HTRA1: variants seen among roughly 807,000 people sequenced by gnomAD.
HTRA1 encodes HtrA serine peptidase 1.
Under a neutral mutation model 49.7 loss-of-function variants are expected in HTRA1, and 26 were observed. The observed-to-expected ratio is 0.52, with a 90% CI of 0.38 to 0.73. The LOEUF (loss-of-function observed/expected upper bound fraction) is 0.73, where lower values mean the gene tolerates loss of function less well. HTRA1 is among the 30% of genes least tolerant of loss of function. HTRA1 has a pLI of 0.00. For missense variants in HTRA1, 561 were observed against 667.2 expected (o/e 0.84, Z 1.75); for synonymous variants, 291 against 286.9 (o/e 1.01, Z -0.14).
chr10:122,511,485 C>A (rs1220037529), intron 7 of HTRA1, among the ~76,000 whole-genome samples: 1 of 152,076 alleles, frequency 6.6e-6, no homozygotes, highest in Admixed American at 6.5e-5. Flanking sequence ...GTAATCCCAG[C>A]ACTTTGGGAG....
At chr10:122,466,699 A>G (rs2249049) in intron 1 of HTRA1, among the ~76,000 whole-genome samples, 34,112 of 151,956 alleles carry the variant, frequency 0.22, 3,970 homozygotes, top group Non-Finnish European at 0.25. Context: ...CATTTTCACT[A>G]TTGGCAATTC....
intron 7 of HTRA1, among the ~76,000 whole-genome samples, chr10:122,511,363 G>C (rs978684988): frequency 2.6e-5 from 4 of 152,196 alleles, no homozygotes; most frequent in Non-Finnish European, 5.9e-5. Context: ...AAATGGCCGA[G>C]CTAGGGCTGC....
rs543798586 is a variant in HTRA1, at chr10:122,504,882, G to A, written c.778-1809G>A. Among the ~76,000 whole-genome samples the A allele has an allele frequency of 1.8e-3, 278 of 152,350 alleles. 4 individuals carry two copies. The highest frequency in any genetic ancestry group is 6.4e-3 in the African/African-American group (266 of 41,588). Reference sequence around the variant, plus strand: ...TGCGGCAGGCCTGCACCTCCCCGCAGCTGCCCTGCATGCTCCAGCCTCAGG... The same window carrying A: ...TGCGGCAGGCCTGCACCTCCCCGCAACTGCCCTGCATGCTCCAGCCTCAGG... On this transcript the variant is annotated intron_variant, in intron 3 of 8. Coordinates refer to ENST00000368984, the MANE Select transcript of HTRA1 (RefSeq NM_002775.5).
Position 122,506,965 on chromosome 10 carries a change from CT to C in HTRA1, c.972+81del. The C allele has an allele frequency of 2.3e-6, 3 of 1,305,206 alleles. No individual in the cohort carries two copies. The highest frequency in any genetic ancestry group is 3.3e-6 in the Non-Finnish European group (3 of 918,874). The allele number at this position is 1,305,206 out of a possible 1,614,324, so 80.9% of individuals were successfully genotyped here. On this transcript the variant is annotated intron_variant, in intron 4 of 8. Transcript: ENST00000368984. This position sits in a 1 kb window ranked among gnomAD's most constrained non-coding sequence, Gnocchi z 5.2. ...GAGGAGTCAGCATAGGTCTTAGCCC[CT>C]GACTTTGTTGTAGTCTGCGTGAAGG...
At chr10:122,481,944 C>T (rs2097491200) in intron 1 of HTRA1, among the ~76,000 whole-genome samples, 2 of 152,080 alleles carry the variant, frequency 1.3e-5, no homozygotes, top group Non-Finnish European at 1.5e-5. Flanking sequence ...AACTGGAAGT[C>T]CAATAAAACC....
chr10:122,486,117 T>C (rs2097492999), intron 1 of HTRA1, among the ~76,000 whole-genome samples: 1 of 152,194 alleles, frequency 6.6e-6, no homozygotes, highest in African/African-American at 2.4e-5. Context: ...TGAGAAGCTG[T>C]AGATCTGGTG....
Position 122,475,218 on chromosome 10 carries a change from GT to G in HTRA1, c.472+13096del, listed in dbSNP as rs1484615124. ...CAGTCTTGGCCCAGCCCCTGCAACA[GT>G]TACTGCTCAAGGCACCCGGGACATG... On this transcript the variant is annotated intron_variant, in intron 1 of 8. Transcript: ENST00000368984. Among the ~76,000 whole-genome samples, 7 of 152,220 alleles carry G rather than the reference GT, an allele frequency of 4.6e-5. No individual in the cohort carries two copies. In the South Asian group the frequency reaches 1.0e-3, roughly 23 times the overall value.
chr10:122,506,549 T>G lies in HTRA1; in HGVS notation c.778-142T>G. On this transcript the variant is annotated intron_variant, in intron 3 of 8. Coordinates refer to ENST00000368984, the MANE Select transcript of HTRA1 (RefSeq NM_002775.5). The surrounding 1 kb of genome is among the most constrained non-coding windows in gnomAD (Gnocchi z 5.2). Reference sequence around the variant, plus strand: ...AGTCCTGCCCGCAGCAAAGGGATGTTAGTTGTGAGCTCAGTTCCCCACCGG... The same window carrying G: ...AGTCCTGCCCGCAGCAAAGGGATGTGAGTTGTGAGCTCAGTTCCCCACCGG... 1 of 730,086 alleles carries G rather than the reference T, an allele frequency of 1.4e-6. No individual in the cohort carries two copies. The highest frequency in any genetic ancestry group is 2.4e-6 in the Non-Finnish European group (1 of 413,528). The allele number at this position is 730,086 out of a possible 1,614,324, so 45.2% of individuals were successfully genotyped here.
rs541582341 is a variant in HTRA1, at chr10:122,501,961, G to GTT, written c.778-4698_778-4697dup. Among the ~76,000 whole-genome samples, 8 of 73,534 alleles carry GTT rather than the reference G, an allele frequency of 1.1e-4. 1 individual carries two copies. The highest frequency in any genetic ancestry group is 3.0e-4 in the African/African-American group (5 of 16,926). 48.2% of individuals were successfully genotyped at this position (73,534 alleles called of 152,430 possible). A position where few individuals can be genotyped will look rare whatever the true frequency, so the allele number is the denominator to read the frequency against. ...ATCTACTCTACATACTCCATTTGGA[G>GTT]TTTTTTTTTTTTTTTTTTTTTTTTT... On this transcript the variant is annotated intron_variant, in intron 3 of 8. Transcript: ENST00000368984.
intron 1 of HTRA1, among the ~76,000 whole-genome samples, chr10:122,474,692 C>T (rs913114771): frequency 1.3e-5 from 2 of 152,050 alleles, no homozygotes; most frequent in East Asian, 1.9e-4. Flanking sequence ...TTTTGTGAAC[C>T]GAGCAGTCAG....
At chr10:122,472,363 TTATTAC>T (rs1458426563) in intron 1 of HTRA1, among the ~76,000 whole-genome samples, 12 of 109,784 alleles carry the variant, frequency 1.1e-4, no homozygotes, top group Non-Finnish European at 1.3e-4. Flanking sequence ...TATCATTTCT[TTATTAC>T]TATTATTATT....
At position 122,508,714 on chromosome 10, in the gene HTRA1, T is replaced by C; in HGVS notation, c.1064T>C (p.Ile355Thr). ...LKVTAGISFAIPSDKIKKFLT... is the reference protein window; with the variant it reads ...LKVTAGISFATPSDKIKKFLT... Reference sequence around the variant, plus strand: ...GTGACAGCTGGAATCTCCTTTGCAATCCCATCTGATAAGATTAAAAAGTTC... The same window carrying C: ...GTGACAGCTGGAATCTCCTTTGCAACCCCATCTGATAAGATTAAAAAGTTC... The change falls in exon 6 of 9, where the codon ATC (isoleucine) becomes ACC (threonine). Residue 355 changes from isoleucine to threonine, a missense_variant. Ile to Thr is a moderately conservative substitution (Grantham distance 89). Around this residue, in one of 3 missense-constraint regions of HTRA1, gnomAD observed 179 missense variants for 173.4 expected, o/e 1.03. Transcript: ENST00000368984. The C allele has an allele frequency of 6.2e-7, 1 of 1,614,048 alleles. No homozygotes were observed.
chr10:122,501,237 G>A (rs187381926), intron 3 of HTRA1, among the ~76,000 whole-genome samples: 14 of 152,260 alleles, frequency 9.2e-5, no homozygotes, highest in Admixed American at 6.5e-4. Flanking sequence ...CACGCGCCGT[G>A]GGAGTGATTT....
chr10:122,488,853 G>T, intron 1 of HTRA1, 49 bp from the exon 2 acceptor site: 1 of 1,411,820 alleles, frequency 7.1e-7, no homozygotes, highest in South Asian at 1.1e-5. Flanking sequence ...TTCTCTAGGT[G>T]GCCACAGCAG....
At chr10:122,489,083 A>G (rs2097494499) in intron 2 of HTRA1, 82 bp downstream of exon 2, 1 of 982,042 alleles carries the variant, frequency 1.0e-6, no homozygotes. Context: ...TTTGAGATAC[A>G]TTAAAGTGTC....
chr10:122,498,637 C>A (rs1008772275), intron 3 of HTRA1, among the ~76,000 whole-genome samples: 1 of 152,122 alleles, frequency 6.6e-6, no homozygotes, highest in Non-Finnish European at 1.5e-5. Context: ...TTTTCACAGT[C>A]CTCTGTGAAA....
chr10:122,474,167 A>G (rs954357558), intron 1 of HTRA1, among the ~76,000 whole-genome samples: 1 of 152,218 alleles, frequency 6.6e-6, no homozygotes, highest in Non-Finnish European at 1.5e-5. Flanking sequence ...TTTCAGATTT[A>G]TTAGATCATA....
At chr10:122,470,585 G>A (rs557971040) in intron 1 of HTRA1, among the ~76,000 whole-genome samples, 18 of 151,282 alleles carry the variant, frequency 1.2e-4, no homozygotes, top group South Asian at 4.2e-4. Context: ...AAGCATTGAA[G>A]TCCAGTGATA....
rs1480500793 is a variant in HTRA1, at chr10:122,496,224, GGTTC to G, written c.777+6599_777+6602del. Reference sequence around the variant, plus strand: ...GCCCTTTCGTTTGCCAGAGATTGTGGGTTCTTTTTTTTTTTTTTTTTTTTTTTTT... The same window carrying G: ...GCCCTTTCGTTTGCCAGAGATTGTGGTTTTTTTTTTTTTTTTTTTTTTTTT... On this transcript the variant is annotated intron_variant, in intron 3 of 8. Coordinates refer to ENST00000368984, the MANE Select transcript of HTRA1 (RefSeq NM_002775.5). Among the ~76,000 whole-genome samples, 156 of 32,060 alleles carry G rather than the reference GGTTC, an allele frequency of 4.9e-3. 3 individuals carry two copies. Among genetic ancestry groups the G allele is most frequent in the East Asian group, 0.032 (53 of 1,642 alleles). 21.0% of individuals were successfully genotyped at this position (32,060 alleles called of 152,430 possible). A position where few individuals can be genotyped will look rare whatever the true frequency, so the allele number is the denominator to read the frequency against.
Sources: gnomAD v4.1 joint callset for allele counts (sites outside exome capture counted in the v4.1 genomes callset) on GRCh38, gnomAD v4.1.1 for gene constraint, gnomAD v4.1.1 regional missense constraint, Gnocchi (gnomAD v3.1) non-coding constraint, MANE v1.5 for transcripts, NCBI Gene and HGNC (gene_info 2026-07-23, HGNC 2026-07-21) for gene names.